Variants in ALK observed in about 807,000 individuals in gnomAD.
ALK encodes the protein ALK receptor tyrosine kinase.
Under a neutral mutation model 163.1 loss-of-function variants are expected in ALK, and 74 were observed. The ratio of observed to expected loss-of-function variants is 0.45; its 90% CI spans 0.38 to 0.55. ALK has a LOEUF of 0.55. Among genes scored for constraint, ALK ranks in the 20% least tolerant of loss-of-function variants. The probability of loss-of-function intolerance (pLI) is 0.00; values close to 1 mark genes in which losing one functional copy is unlikely to be tolerated. For missense variants in ALK, 2,063 were observed against 2,105.3 expected, an observed-to-expected ratio of 0.98 and a Z score of 0.39; for synonymous variants, 960 against 843.2, an observed-to-expected ratio of 1.14 and a Z score of -2.40.
intron 5 of ALK, among the ~76,000 whole-genome samples, chr2:29,340,178 ACC>A (rs1667748800): frequency 6.6e-6 from 1 of 152,022 alleles, no homozygotes; most frequent in Non-Finnish European, 1.5e-5. Context: ...TCTGCACCAT[ACC>A]TCCCCGTAAA....
At chr2:29,777,778 T>C (rs1681214919) in intron 1 of ALK, among the ~76,000 whole-genome samples, 1 of 152,166 alleles carries the variant, frequency 6.6e-6, no homozygotes. Flanking sequence ...GATGATGCTA[T>C]TTCTGGTCCT....
intron 6 of ALK, among the ~76,000 whole-genome samples, chr2:29,326,979 C>T (rs537933812): frequency 6.0e-4 from 92 of 152,340 alleles, no homozygotes; most frequent in African/African-American, 2.1e-3. Context: ...TCACTCCCGC[C>T]CCTGTGTGAA....
chr2:29,671,655 G>A (rs1191534480), intron 3 of ALK, among the ~76,000 whole-genome samples: 1 of 152,002 alleles, frequency 6.6e-6, no homozygotes, highest in Non-Finnish European at 1.5e-5. Flanking sequence ...TGGGGTAGGG[G>A]TGTCACAGAT....
chr2:29,537,299 T>G (rs1673284715), intron 3 of ALK, among the ~76,000 whole-genome samples: 1 of 152,198 alleles, frequency 6.6e-6, no homozygotes, highest in Admixed American at 6.5e-5. Flanking sequence ...GAGGCAAGAA[T>G]GGTTTCAGGG....
At chr2:29,231,708 A>T (rs1042315149) in intron 15 of ALK, among the ~76,000 whole-genome samples, 11 of 152,238 alleles carry the variant, frequency 7.2e-5, no homozygotes, top group African/African-American at 2.7e-4. Flanking sequence ...TGGAAAAGAA[A>T]ATACAAAAAG....
At chr2:29,903,412 C>T (rs1321099680) in intron 1 of ALK, among the ~76,000 whole-genome samples, 1 of 152,152 alleles carries the variant, frequency 6.6e-6, no homozygotes, top group African/African-American at 2.4e-5. Flanking sequence ...CAAATATTTA[C>T]TGAGCGCCTA....
At chr2:29,381,067 C>G (rs1343824188) in intron 5 of ALK, among the ~76,000 whole-genome samples, 1 of 152,204 alleles carries the variant, frequency 6.6e-6, no homozygotes, top group Non-Finnish European at 1.5e-5. Flanking sequence ...TCCACAAAGG[C>G]AGCAGAGGCT....
At chr2:29,200,595 T>G (rs1669132571) in intron 26 of ALK, among the ~76,000 whole-genome samples, 2 of 151,718 alleles carry the variant, frequency 1.3e-5, no homozygotes, top group African/African-American at 4.8e-5. Context: ...CTAGAAACCC[T>G]ACAGATGAGG....
At chr2:29,233,720 G>A (rs377027289) in intron 13 of ALK, 24 bp from the exon 14 acceptor site, 66 of 1,614,048 alleles carry the variant, frequency 4.1e-5, no homozygotes, top group Admixed American at 8.3e-5. Flanking sequence ...AAGCACGTTA[G>A]GTTTGTGGCC....
chr2:29,866,077 A>T (rs1666428986), intron 1 of ALK, among the ~76,000 whole-genome samples: 1 of 152,202 alleles, frequency 6.6e-6, no homozygotes, highest in African/African-American at 2.4e-5. Flanking sequence ...TTCCTAGAAC[A>T]ACAGCAACAT....
In ALK at chr2:29,715,990, A is replaced by G. The variant is rs149317508; in HGVS notation, c.787+1588T>C. On this transcript the variant is annotated intron_variant, in intron 2 of 28. Coordinates refer to ENST00000389048, the MANE Select transcript of ALK (RefSeq NM_004304.5). ...ATGGATTTTTTTTTAAGTTTAAAAT[A>G]TGGTACAGAAAGGTACAGTTAATAT... 2.3e-3 allele frequency among the ~76,000 whole-genome samples: 356 copies of G among 152,284 alleles called. 1 individual carries two copies. Among genetic ancestry groups the G allele is most frequent in the African/African-American group, 8.2e-3 (340 of 41,578 alleles).
rs73921110 is a variant in ALK, at chr2:29,582,252, C to T, written c.953-50136G>A. 1.2e-3 allele frequency among the ~76,000 whole-genome samples: 185 copies of T among 152,284 alleles called. 1 individual carries two copies. The highest frequency in any genetic ancestry group is 4.1e-3 in the African/African-American group (171 of 41,560). On this transcript the variant is annotated intron_variant, in intron 3 of 28. Coordinates refer to ENST00000389048, the MANE Select transcript of ALK (RefSeq NM_004304.5). ...GAGGGAAACGGCCTTCCTGCTCAGG[C>T]AGTCATAGAGGAGGAAGATATTTGA... is the stretch of plus-strand genomic sequence containing the variant.
chr2:29,860,890 A>G (rs932097451), intron 1 of ALK, among the ~76,000 whole-genome samples: 1 of 152,226 alleles, frequency 6.6e-6, no homozygotes, highest in Non-Finnish European at 1.5e-5. Context: ...GTAAGTTTAT[A>G]GCAATACATA....
chr2:29,248,627 C>T (rs144797064), intron 12 of ALK, among the ~76,000 whole-genome samples: 1 of 152,260 alleles, frequency 6.6e-6, no homozygotes, highest in East Asian at 1.9e-4. Flanking sequence ...GTGCTGGGGC[C>T]CGGAGCTGGC....
chr2:29,750,830 G>T (rs1168866780), intron 1 of ALK, among the ~76,000 whole-genome samples: 1 of 151,912 alleles, frequency 6.6e-6, no homozygotes, highest in Non-Finnish European at 1.5e-5. Context: ...CCAGCATTTT[G>T]GGAGGCCAAG....
intron 14 of ALK, among the ~76,000 whole-genome samples, chr2:29,233,037 A>G (rs547669767): frequency 3.9e-5 from 6 of 152,208 alleles, no homozygotes; most frequent in Non-Finnish European, 8.8e-5. Context: ...AAGGCTGTGC[A>G]TGGTGAAATT....
chr2:29,332,166 G>C lies in ALK; in HGVS notation c.1283-3685C>G, dbSNP rs144822890. Among the ~76,000 whole-genome samples, 819 of 151,310 alleles carry C rather than the reference G, an allele frequency of 5.4e-3. 12 individuals carry two copies. The highest frequency in any genetic ancestry group is 0.019 in the African/African-American group (790 of 41,226). On this transcript the variant is annotated intron_variant, in intron 5 of 28. Transcript: ENST00000389048. ...CCGGGTGTGATGGCACGTGCCTGTAGTCCCAGCTACTTTGGAGACTGAGGC... is the reference window on the plus strand; with the variant it reads ...CCGGGTGTGATGGCACGTGCCTGTACTCCCAGCTACTTTGGAGACTGAGGC...
chr2:29,741,867 CTG>C (rs1318392569), intron 1 of ALK, among the ~76,000 whole-genome samples: 2 of 152,196 alleles, frequency 1.3e-5, no homozygotes, highest in Non-Finnish European at 2.9e-5. Context: ...AGTTACGTGA[CTG>C]GGGTCCAAAT....
chr2:29,368,414 G>A (rs115363991), intron 5 of ALK, among the ~76,000 whole-genome samples: 2,727 of 152,234 alleles, frequency 0.018, 66 homozygotes, highest in African/African-American at 0.063. Context: ...ATACGTCAGC[G>A]GAATTTCTGG....
Sources: allele counts gnomAD v4.1 joint callset (sites outside exome capture counted in the v4.1 genomes callset), GRCh38; gene constraint gnomAD v4.1.1; transcripts MANE v1.5; gene names NCBI Gene and HGNC (gene_info 2026-07-23, HGNC 2026-07-21).